FAM210A: variants seen among roughly 807,000 people sequenced by gnomAD.
The protein encoded by FAM210A is family with sequence similarity 210 member A.
Under a neutral mutation model 25.3 loss-of-function variants are expected in FAM210A, and 13 were observed. That is an observed-to-expected ratio of 0.51 (90% confidence interval 0.33 to 0.82). The LOEUF (loss-of-function observed/expected upper bound fraction) is 0.82, where lower values mean the gene tolerates loss of function less well. Ranked by LOEUF, FAM210A falls within the 40% of genes least tolerant of loss-of-function variation. FAM210A has a pLI of 0.02. For missense variants in FAM210A, 319 were observed against 323.2 expected, an observed-to-expected ratio of 0.99 and a Z score of 0.10; for synonymous variants, 125 against 118.7, an observed-to-expected ratio of 1.05 and a Z score of -0.35.
chr18:13,706,593 T>C (rs2043779839), intron 1 of FAM210A, among the ~76,000 whole-genome samples: 1 of 152,214 alleles, frequency 6.6e-6, no homozygotes, highest in Admixed American at 6.5e-5. Flanking sequence ...TTCACTCTTC[T>C]AGAAGGGCAA....
intron 2 of FAM210A, among the ~76,000 whole-genome samples, chr18:13,673,745 T>C (rs1362655133): frequency 6.7e-6 from 1 of 150,356 alleles, no homozygotes; most frequent in Non-Finnish European, 1.5e-5. Context: ...TTATTTCCAG[T>C]TCCCTGATTA....
At chr18:13,703,461 A>G (rs772930846) in intron 1 of FAM210A, among the ~76,000 whole-genome samples, 12 of 152,202 alleles carry the variant, frequency 7.9e-5, no homozygotes, top group Non-Finnish European at 1.0e-4. Context: ...GTCTTTTCCA[A>G]TAGTATCTCC....
At chr18:13,668,279 T>A (rs1279268429) in intron 3 of FAM210A, among the ~76,000 whole-genome samples, 3 of 152,190 alleles carry the variant, frequency 2.0e-5, no homozygotes, top group Non-Finnish European at 2.9e-5. Flanking sequence ...CCCACACAGC[T>A]TTCACCTTCC....
At chr18:13,705,300 A>G (rs1369616891) in intron 1 of FAM210A, among the ~76,000 whole-genome samples, 1 of 152,212 alleles carries the variant, frequency 6.6e-6, no homozygotes. Context: ...AAGAGGACAT[A>G]AGTCTAACGT....
intron 1 of FAM210A, among the ~76,000 whole-genome samples, chr18:13,695,415 G>A (rs928141459): frequency 2.6e-5 from 4 of 152,166 alleles, no homozygotes; most frequent in South Asian, 4.1e-4. Context: ...ACATGCACAC[G>A]TATGTTTATT....
intron 1 of FAM210A, among the ~76,000 whole-genome samples, chr18:13,695,406 C>T (rs1265310494): frequency 6.6e-6 from 1 of 152,202 alleles, no homozygotes; most frequent in Non-Finnish European, 1.5e-5. Flanking sequence ...TATAAAGACA[C>T]ATGCACACGT....
chr18:13,700,336 T>C (rs1327899842), intron 1 of FAM210A, among the ~76,000 whole-genome samples: 1 of 152,244 alleles, frequency 6.6e-6, no homozygotes, highest in East Asian at 1.9e-4. Context: ...ACTGGTGCAC[T>C]CTGGCCCACT....
chr18:13,690,520 C>T (rs1477903752), intron 1 of FAM210A, among the ~76,000 whole-genome samples: 1 of 152,206 alleles, frequency 6.6e-6, no homozygotes, highest in Non-Finnish European at 1.5e-5. Context: ...GGCCGACTGA[C>T]ACCTCATACA....
intron 1 of FAM210A, among the ~76,000 whole-genome samples, chr18:13,722,758 T>C (rs1209338404): frequency 1.3e-5 from 2 of 152,210 alleles, no homozygotes; most frequent in Non-Finnish European, 2.9e-5. Flanking sequence ...AGATACGGGT[T>C]TCTTTAGGGC....
intron 2 of FAM210A, among the ~76,000 whole-genome samples, chr18:13,680,735 T>C (rs2043546274): frequency 6.6e-6 from 1 of 151,584 alleles, no homozygotes; most frequent in African/African-American, 2.4e-5. Flanking sequence ...ATTAGGAGAG[T>C]TTACTGAAGT....
chr18:13,682,493 G>A (rs939038926), intron 1 of FAM210A, among the ~76,000 whole-genome samples: 1 of 151,488 alleles, frequency 6.6e-6, no homozygotes, highest in Non-Finnish European at 1.5e-5. Flanking sequence ...ACTTAAACCC[G>A]GGAAGCGGAG....
intron 1 of FAM210A, among the ~76,000 whole-genome samples, chr18:13,692,472 C>T (rs1488077632): frequency 2.0e-5 from 3 of 152,190 alleles, no homozygotes; most frequent in South Asian, 2.1e-4. Context: ...CACCACATCA[C>T]ACTTATTCCA....
chr18:13,681,948 T>C lies in FAM210A; in HGVS notation c.130A>G (p.Lys44Glu), dbSNP rs1448891197. Residue 44 changes from lysine to glutamate, a missense_variant, in exon 2 of 4, where the codon AAA becomes GAA. By Grantham distance (56) the Lys-to-Glu change is moderately conservative. Coordinates refer to ENST00000651643, the MANE Select transcript of FAM210A (RefSeq NM_152352.4). ...GPLLLYNAES[K>E]VVLVQGPQKQ... Reference sequence around the variant, plus strand: ...TGAGGGCCTTGTACCAAAACCACTTTGGATTCAGCATTGTATAAAAGTAAA... The same window carrying C: ...TGAGGGCCTTGTACCAAAACCACTTCGGATTCAGCATTGTATAAAAGTAAA... 2 of 1,614,036 alleles carry C rather than the reference T, an allele frequency of 1.2e-6. No homozygotes were observed. The highest frequency in any genetic ancestry group is 1.3e-5 in the African/African-American group (1 of 74,918).
chr18:13,686,007 T>C (rs554232913), intron 1 of FAM210A, among the ~76,000 whole-genome samples: 17 of 151,802 alleles, frequency 1.1e-4, no homozygotes, highest in Non-Finnish European at 2.5e-4. Flanking sequence ...ACAAAAAATA[T>C]CAACAAAACC....
intron 1 of FAM210A, chr18:13,697,663 CAG>C (rs1229117514): frequency 9.5e-6 from 1 of 105,240 alleles, no homozygotes; most frequent in African/African-American, 3.9e-5. Flanking sequence ...GCCTGGGAGA[CAG>C]AGTGAGACTC....
chr18:13,703,554 C>T (rs1710882640), intron 1 of FAM210A, among the ~76,000 whole-genome samples: 3 of 152,206 alleles, frequency 2.0e-5, no homozygotes, highest in African/African-American at 7.2e-5. Flanking sequence ...TTGTTAGGCA[C>T]TAGAAACTGC....
chr18:13,700,319 T>C (rs184027212), intron 1 of FAM210A, among the ~76,000 whole-genome samples: 212 of 152,376 alleles, frequency 1.4e-3, no homozygotes, highest in Non-Finnish European at 2.1e-3. Flanking sequence ...CTGACCAGGA[T>C]GCATGCACTG....
intron 1 of FAM210A, among the ~76,000 whole-genome samples, chr18:13,711,324 T>C (rs529679442): frequency 1.7e-3 from 257 of 152,262 alleles, no homozygotes; most frequent in African/African-American, 2.9e-3. Flanking sequence ...TGAGCCAGGA[T>C]TGTGCCACTG....
chr18:13,668,241 G>C (rs1309362841), intron 3 of FAM210A, among the ~76,000 whole-genome samples: 1 of 152,136 alleles, frequency 6.6e-6, no homozygotes, highest in African/African-American at 2.4e-5. Context: ...TGTCAATTTG[G>C]AACCAGCCCC....
Sources: allele counts gnomAD v4.1 joint callset (sites outside exome capture counted in the v4.1 genomes callset), GRCh38; gene constraint gnomAD v4.1.1; transcripts MANE v1.5; gene names NCBI Gene and HGNC (gene_info 2026-07-23, HGNC 2026-07-21).